NSD3: variants seen among roughly 807,000 people sequenced by gnomAD.
The protein encoded by NSD3 is histone-lysine N-methyltransferase NSD3.
Under a neutral mutation model 160.8 loss-of-function variants are expected in NSD3, and 24 were observed. That is an observed-to-expected ratio of 0.15 (90% CI 0.11 to 0.21). The LOEUF is 0.21. NSD3 is among the 10% of genes least tolerant of loss of function. The pLI is 1.00. For missense variants in NSD3, 1,157 were observed against 1,735.9 expected (o/e 0.67, Z 5.93); for synonymous variants, 520 against 600.0 (o/e 0.87, Z 1.95).
intron 14 of NSD3, among the ~76,000 whole-genome samples, 192 bp downstream of exon 14, chr8:38,304,395 T>G (rs574069585): frequency 3.5e-4 from 54 of 152,360 alleles, no homozygotes; most frequent in South Asian, 2.7e-3. Context: ...ATTCTAACAC[T>G]TTGGACATCT....
intron 12 of NSD3, among the ~76,000 whole-genome samples, chr8:38,306,631 A>G (rs1384539275): frequency 2.6e-5 from 4 of 152,220 alleles, no homozygotes; most frequent in African/African-American, 7.2e-5. Flanking sequence ...CACAACATAT[A>G]TAAGCAAAGA....
chr8:38,307,169 C>A (rs551509873), intron 12 of NSD3, among the ~76,000 whole-genome samples: 128 of 147,232 alleles, frequency 8.7e-4, no homozygotes, highest in Middle Eastern at 3.5e-3. Context: ...TACAAAAAAA[C>A]TTAAAGAGTT....
At chr8:38,359,590 A>G (rs1250449308) in intron 1 of NSD3, among the ~76,000 whole-genome samples, 1 of 152,216 alleles carries the variant, frequency 6.6e-6, no homozygotes, top group Non-Finnish European at 1.5e-5. Context: ...AAAGGAAATG[A>G]ACAAAAATGT....
At chr8:38,320,726 T>TAAA in intron 8 of NSD3, 1 of 150,794 alleles carries the variant, frequency 6.6e-6, no homozygotes, top group African/African-American at 2.6e-5. Context: ...AAATCAAACT[T>TAAA]AAAAAAAAAA....
Position 38,347,957 on chromosome 8 carries a change from C to A in NSD3, c.215G>T (p.Gly72Val). 6.2e-7 allele frequency: 1 copy of A among 1,614,044 alleles called. No homozygotes were observed. The highest frequency in any genetic ancestry group is 8.5e-7 in the Non-Finnish European group (1 of 1,180,010). ...ATACACACTGATTGATGATGGATAC[C>A]CATTTGTGAGTGGAGGAAGATCTTC... ...TTEDLPPLTN[G>V]YPSSISVYET... The change falls in exon 2 of 24, where the codon GGG (glycine) becomes GTG (valine). Residue 72 changes from glycine (G) to valine (V), a missense_variant. This residue lies in a region of NSD3 where 121 missense variants were observed against 177.2 expected (regional missense o/e 0.68). Coordinates refer to ENST00000317025, the MANE Select transcript of NSD3 (RefSeq NM_023034.2).
At chr8:38,283,155 T>C (rs1180313303) in intron 19 of NSD3, among the ~76,000 whole-genome samples, 1 of 152,198 alleles carries the variant, frequency 6.6e-6, no homozygotes, top group East Asian at 1.9e-4. Flanking sequence ...ATTTAAGCTG[T>C]TCTAAAAGGC....
intron 12 of NSD3, among the ~76,000 whole-genome samples, chr8:38,306,814 T>G (rs967669096): frequency 2.0e-5 from 3 of 151,974 alleles, no homozygotes; most frequent in Non-Finnish European, 4.4e-5. Context: ...CTGAAACCAG[T>G]TATAAAACAG....
intron 1 of NSD3, among the ~76,000 whole-genome samples, chr8:38,365,481 C>A (rs1811084581): frequency 6.6e-6 from 1 of 152,040 alleles, no homozygotes; most frequent in African/African-American, 2.4e-5. Flanking sequence ...GGGCTGGATT[C>A]TTTTCTTTGA....
chr8:38,373,043 T>C (rs1462479025), intron 1 of NSD3, among the ~76,000 whole-genome samples: 5 of 126,262 alleles, frequency 4.0e-5, no homozygotes, highest in Non-Finnish European at 8.3e-5. Flanking sequence ...ACAGCGAGAC[T>C]CCTCTCAAAA....
chr8:38,309,158 AC>A (rs1470760576), intron 12 of NSD3, among the ~76,000 whole-genome samples: 3 of 151,550 alleles, frequency 2.0e-5, no homozygotes, highest in African/African-American at 7.3e-5. Flanking sequence ...AAAAAAAAAA[AC>A]AAAACAAAAC....
chr8:38,289,196 T>A (rs978100780), intron 18 of NSD3, among the ~76,000 whole-genome samples, 197 bp downstream of exon 18: 7 of 152,342 alleles, frequency 4.6e-5, no homozygotes, highest in Non-Finnish European at 8.8e-5. Context: ...ATGGCTCCCA[T>A]TTGATGCTTC....
chr8:38,338,697 A>G (rs1810284711), intron 2 of NSD3, 90 bp from the exon 3 acceptor site: 2 of 1,039,726 alleles, frequency 1.9e-6, no homozygotes, highest in Non-Finnish European at 3.0e-6. Context: ...AGAATCAAAG[A>G]AAACTAAATA....
chr8:38,304,577 A>C lies in NSD3; in HGVS notation c.2611+10T>G. On this transcript the variant is annotated intron_variant, in intron 14 of 23. Coordinates refer to ENST00000317025, the MANE Select transcript of NSD3 (RefSeq NM_023034.2). ...TCAAAAATAAATGAAGAGAAAAGTCAGACACTCACCTCTGGCACAAACGAA... is the reference window on the plus strand; with the variant it reads ...TCAAAAATAAATGAAGAGAAAAGTCCGACACTCACCTCTGGCACAAACGAA... 1.2e-6 allele frequency: 2 copies of C among 1,602,422 alleles called. No individual in the cohort carries two copies. The highest frequency in any genetic ancestry group is 1.1e-5 in the South Asian group (1 of 88,802).
chr8:38,290,433 G>A lies in NSD3; in HGVS notation c.3118+42C>T, dbSNP rs769979082. On this transcript the variant is annotated intron_variant, in intron 17 of 23. Coordinates refer to ENST00000317025, the MANE Select transcript of NSD3 (RefSeq NM_023034.2). ...GAGGAGATGTTGAGAAACTGACACC[G>A]GAGTTGTAGTTTTGAGTCACTGTAA... The A allele has an allele frequency of 9.0e-5, 143 of 1,594,924 alleles. 1 individual carries two copies. Among genetic ancestry groups the A allele is most frequent in the Middle Eastern group, 3.3e-4 (2 of 6,008 alleles).
Position 38,316,824 on chromosome 8 carries a change from T to C in NSD3, c.1856-782A>G. On this transcript the variant is annotated intron_variant, in intron 9 of 23. Transcript: ENST00000317025. The surrounding 1 kb of genome is among the most constrained non-coding windows in gnomAD (Gnocchi z 4.5). ...AGTGTGGAATTGTTTTTTTTAAAAC[T>C]GTGTGTAATACAAATCCAGCCAAAA... The C allele has an allele frequency of 9.4e-7, 1 of 1,061,888 alleles. No homozygotes were observed. The allele number at this position is 1,061,888 out of a possible 1,614,324, so 65.8% of individuals were successfully genotyped here. A position where few individuals can be genotyped will look rare whatever the true frequency, so the allele number is the denominator to read the frequency against.
At position 38,270,451 on chromosome 8, in the gene NSD3, A is replaced by G. The variant is rs1303152027; in HGVS notation, c.*5190T>C. On this transcript the variant is annotated 3_prime_UTR_variant, in exon 24 of 24. Transcript: ENST00000317025. ...CACATACCCTTGTATATAAAAAATG[A>G]TATTAGCCAGTTGTAATACTCATTT... The G allele has an allele frequency of 6.6e-6, 1 of 152,216 alleles. No individual in the cohort carries two copies. The highest frequency in any genetic ancestry group is 1.5e-5 in the Non-Finnish European group (1 of 68,028). 9.4% of individuals were successfully genotyped at this position (152,216 alleles called of 1,614,324 possible).
At chr8:38,380,839 G>C (rs1317444437) in intron 1 of NSD3, 1 of 152,178 alleles carries the variant, frequency 6.6e-6, no homozygotes, top group Non-Finnish European at 1.5e-5. Context: ...ACACTGCAGT[G>C]CCTTGGCAGC....
At chr8:38,287,941 G>A (rs977348744) in intron 19 of NSD3, among the ~76,000 whole-genome samples, 1 of 152,126 alleles carries the variant, frequency 6.6e-6, no homozygotes, top group African/African-American at 2.4e-5. Context: ...AAAATGTCAA[G>A]AGTAATTTTA....
Position 38,270,103 on chromosome 8 carries a change from G to A in NSD3, c.*5538C>T, listed in dbSNP as rs1254602292. 1 of 152,166 alleles carries A rather than the reference G, an allele frequency of 6.6e-6. No homozygotes were observed. Among genetic ancestry groups the A allele is most frequent in the African/African-American group, 2.4e-5 (1 of 41,410 alleles). The allele number at this position is 152,166 out of a possible 1,614,324, so 9.4% of individuals were successfully genotyped here. ...CAAGTCATTATACAGTAATGCCCTA[G>A]TGGAACACCCCCAGGGAAAATTAAC... On this transcript the variant is annotated 3_prime_UTR_variant, in exon 24 of 24. Coordinates refer to ENST00000317025, the MANE Select transcript of NSD3 (RefSeq NM_023034.2).
Sources: allele counts gnomAD v4.1 joint callset (sites outside exome capture counted in the v4.1 genomes callset), GRCh38; gene constraint gnomAD v4.1.1; regional missense constraint gnomAD v4.1.1; non-coding constraint Gnocchi (gnomAD v3.1); transcripts MANE v1.5; gene names NCBI Gene and HGNC (gene_info 2026-07-23, HGNC 2026-07-21).